PRORP: variants seen among roughly 807,000 people sequenced by gnomAD.
PRORP encodes the protein mitochondrial ribonuclease P catalytic subunit.
In PRORP, 51 loss-of-function variants were observed where a neutral mutation model predicts 59.4. The observed-to-expected ratio is 0.86, with a 90% confidence interval of 0.69 to 1.08. PRORP has a LOEUF of 1.08. Among genes scored for constraint, PRORP ranks in the 50% least tolerant of loss-of-function variants. PRORP has a pLI of 0.00. For missense variants in PRORP, 646 were observed against 690.3 expected, an observed-to-expected ratio of 0.94 and a Z score of 0.72; for synonymous variants, 231 against 245.6, an observed-to-expected ratio of 0.94 and a Z score of 0.55.
At chr14:35,190,515 TA>T (rs1161180788) in intron 5 of PRORP, among the ~76,000 whole-genome samples, 1 of 152,198 alleles carries the variant, frequency 6.6e-6, no homozygotes, top group Non-Finnish European at 1.5e-5. Context: ...TATTTATTTT[TA>T]TTTTTTTGAG....
At position 35,272,488 on chromosome 14, in the gene PRORP, A is replaced by T. The variant is rs1039562229; in HGVS notation, c.1621-947A>T. Among the ~76,000 whole-genome samples, 15 of 152,170 alleles carry T rather than the reference A, an allele frequency of 9.9e-5. No individual in the cohort carries two copies. The East Asian group carries it at 2.9e-3, about 29-fold the overall frequency. ...TAAGAATATCCAAAACAATAAATTT[A>T]TAGTAAATGTGGTATTAAATGATAC... is the stretch of plus-strand genomic sequence containing the variant. On this transcript the variant is annotated intron_variant, in intron 7 of 7. Coordinates refer to ENST00000534898, the MANE Select transcript of PRORP (RefSeq NM_014672.4).
At chr14:35,188,425 G>A (rs938794567) in intron 5 of PRORP, among the ~76,000 whole-genome samples, 3 of 150,798 alleles carry the variant, frequency 2.0e-5, no homozygotes, top group African/African-American at 4.9e-5. Flanking sequence ...TCCTGACCTC[G>A]TGATCTGCCC....
chr14:35,151,270 GTCT>G (rs1292163161), intron 4 of PRORP, among the ~76,000 whole-genome samples: 1 of 151,716 alleles, frequency 6.6e-6, no homozygotes, highest in Non-Finnish European at 1.5e-5. Context: ...TTTTCATTTG[GTCT>G]TCTTAGAGAA....
At chr14:35,202,350 A>G (rs1484501265) in intron 5 of PRORP, among the ~76,000 whole-genome samples, 2 of 152,132 alleles carry the variant, frequency 1.3e-5, no homozygotes, top group East Asian at 3.9e-4. Context: ...GTTTTTTATT[A>G]TTGAGGGCAA....
intron 5 of PRORP, among the ~76,000 whole-genome samples, chr14:35,188,029 TA>T (rs1303437580): frequency 6.6e-6 from 1 of 151,120 alleles, no homozygotes; most frequent in Non-Finnish European, 1.5e-5. Context: ...TTTGTGTTTT[TA>T]TTAGAGACAG....
At chr14:35,201,976 T>A (rs998891711) in intron 5 of PRORP, among the ~76,000 whole-genome samples, 19 of 150,312 alleles carry the variant, frequency 1.3e-4, no homozygotes, top group African/African-American at 2.7e-4. Flanking sequence ...ATTATTATTT[T>A]TTTTTTTTTT....
intron 5 of PRORP, among the ~76,000 whole-genome samples, chr14:35,206,588 C>A (rs193113657): frequency 6.6e-6 from 1 of 152,290 alleles, no homozygotes; most frequent in East Asian, 1.9e-4. Context: ...TTCCTGTGTT[C>A]ACTTCTAACC....
intron 5 of PRORP, among the ~76,000 whole-genome samples, chr14:35,263,326 T>C (rs572516404): frequency 6.6e-6 from 1 of 152,192 alleles, no homozygotes; most frequent in South Asian, 2.1e-4. Flanking sequence ...CGAAAAAATA[T>C]ATTTATGACC....
At chr14:35,127,311 TG>T (rs1340997617) in intron 3 of PRORP, among the ~76,000 whole-genome samples, 167 bp from the exon 4 acceptor site, 28 of 152,180 alleles carry the variant, frequency 1.8e-4, no homozygotes, top group African/African-American at 6.5e-4. Context: ...CACACTAATT[TG>T]TGATATTATC....
At chr14:35,267,333 A>G (rs1488462091) in intron 6 of PRORP, among the ~76,000 whole-genome samples, 2 of 152,216 alleles carry the variant, frequency 1.3e-5, no homozygotes, top group African/African-American at 4.8e-5. Flanking sequence ...TATGGGGACA[A>G]TAAAGCAAGG....
intron 5 of PRORP, among the ~76,000 whole-genome samples, chr14:35,199,332 TAA>T (rs1167921225): frequency 5.4e-4 from 58 of 107,060 alleles, no homozygotes; most frequent in Admixed American, 9.0e-4. Flanking sequence ...AGACTCCATC[TAA>T]AAAAAAAAAA....
intron 5 of PRORP, among the ~76,000 whole-genome samples, chr14:35,250,578 G>A (rs2050590177): frequency 6.6e-6 from 1 of 152,126 alleles, no homozygotes; most frequent in Non-Finnish European, 1.5e-5. Flanking sequence ...TCCTAACTAA[G>A]GCTCAGATAA....
intron 4 of PRORP, among the ~76,000 whole-genome samples, chr14:35,140,509 T>C (rs1325557820): frequency 6.8e-6 from 1 of 146,062 alleles, no homozygotes; most frequent in Non-Finnish European, 1.5e-5. Flanking sequence ...ATTTATTTGT[T>C]CAGATTTTTT....
intron 5 of PRORP, among the ~76,000 whole-genome samples, chr14:35,230,938 A>AACACACAC (rs60270535): frequency 0.047 from 6,830 of 144,466 alleles, 250 homozygotes; most frequent in Admixed American, 0.13. Flanking sequence ...AGGAAAAGAG[A>AACACACAC]ACACACACAC....
In PRORP at chr14:35,124,056, C is replaced by G. The variant is rs945649610; in HGVS notation, c.811C>G (p.Leu271Val). 1 of 1,613,674 alleles carries G rather than the reference C, an allele frequency of 6.2e-7. No homozygotes were observed. The highest frequency in any genetic ancestry group is 8.5e-7 in the Non-Finnish European group (1 of 1,179,744). The stretch of plus-strand genomic sequence containing the variant: ...AGCTTGGAATTTATATCAGGAATTG[C>G]TAGGTCATGATATTGTTCCTATGTT... Reference protein sequence around the residue: ...NTAWNLYQELLGHDIVPMLET... With the variant: ...NTAWNLYQELVGHDIVPMLET... The change falls in exon 2 of 8, where the codon CTA becomes GTA. Residue 271 changes from leucine to valine, a missense_variant. Transcript: ENST00000534898.
chr14:35,203,770 A>G (rs1044727318), intron 5 of PRORP, among the ~76,000 whole-genome samples: 5 of 152,128 alleles, frequency 3.3e-5, no homozygotes, highest in Non-Finnish European at 7.3e-5. Flanking sequence ...AAGCTGAGGC[A>G]GGTGAATGGC....
chr14:35,136,067 C>T (rs2047365288), intron 4 of PRORP, among the ~76,000 whole-genome samples: 1 of 151,952 alleles, frequency 6.6e-6, no homozygotes, highest in African/African-American at 2.4e-5. Flanking sequence ...GATTGAGGCA[C>T]TGGAGTTGAG....
upstream of PRORP, chr14:35,122,146 G>A (rs80028249): frequency 1.9e-3 from 1,135 of 592,778 alleles, 13 homozygotes; most frequent in African/African-American, 0.019. Context: ...GGAGAATACC[G>A]CTACCACGCT....
intron 5 of PRORP, among the ~76,000 whole-genome samples, chr14:35,252,330 G>T (rs1230728812): frequency 6.6e-6 from 1 of 152,216 alleles, no homozygotes; most frequent in Admixed American, 6.5e-5. Flanking sequence ...GGCTGAAGCA[G>T]GCGGATGACT....
Sources: allele counts gnomAD v4.1 joint callset (sites outside exome capture counted in the v4.1 genomes callset), GRCh38; gene constraint gnomAD v4.1.1; transcripts MANE v1.5; gene names NCBI Gene and HGNC (gene_info 2026-07-23, HGNC 2026-07-21).